Variants in KIF2C observed in about 807,000 individuals in gnomAD.
KIF2C encodes the protein kinesin family member 2C.
A neutral mutation model predicts 97.4 loss-of-function variants in KIF2C; 34 were observed. That is an observed-to-expected ratio of 0.35 (90% CI 0.27 to 0.46). KIF2C has a LOEUF of 0.46. Among genes scored for constraint, KIF2C ranks in the 20% least tolerant of loss-of-function variants. The pLI is 1.00. For missense variants in KIF2C, 750 were observed against 907.6 expected, an observed-to-expected ratio of 0.83 and a Z score of 2.23; for synonymous variants, 313 against 318.2, an observed-to-expected ratio of 0.98 and a Z score of 0.17.
intron 5 of KIF2C, 89 bp downstream of exon 5, chr1:44,750,653 C>CA: frequency 7.6e-7 from 1 of 1,320,228 alleles, no homozygotes; most frequent in African/African-American, 1.5e-5. Flanking sequence ...GAGATTCATC[C>CA]ATTCCCCCAG....
At chr1:44,746,461 G>T (rs565366852) in intron 2 of KIF2C, 1 of 1,215,254 alleles carries the variant, frequency 8.2e-7, no homozygotes, top group South Asian at 3.2e-5. Context: ...GTAGTCTTAG[G>T]GTTAGGTAGC....
At position 44,740,898 on chromosome 1, in the gene KIF2C, T is replaced by C. The variant is rs1167068208; in HGVS notation, c.71-15T>C. ...GGAAAGAGATGGGTAACTCTGGTTT[T>C]TTCATACTTTATAGGTTTAATTCAC... On this transcript the variant is annotated splice_polypyrimidine_tract_variant and intron_variant, in intron 1 of 20. Coordinates refer to ENST00000372224, the MANE Select transcript of KIF2C (RefSeq NM_006845.4). 6.3e-7 allele frequency: 1 copy of C among 1,596,882 alleles called. No homozygotes were observed. Among genetic ancestry groups the C allele is most frequent in the Admixed American group, 1.7e-5 (1 of 59,560 alleles).
chr1:44,746,158 G>A (rs1281862830), intron 2 of KIF2C, among the ~76,000 whole-genome samples: 5 of 152,234 alleles, frequency 3.3e-5, no homozygotes, highest in African/African-American at 4.8e-5. Context: ...GGTTACAGGC[G>A]TGAGCCACCG....
At chr1:44,754,888 G>A in intron 8 of KIF2C, 43 bp downstream of exon 8, 1 of 1,218,926 alleles carries the variant, frequency 8.2e-7, no homozygotes, top group Admixed American at 1.8e-5. Flanking sequence ...GTGTACAATT[G>A]AGAGACAGAA....
intron 19 of KIF2C, among the ~76,000 whole-genome samples, chr1:44,766,612 AAAAGAAAC>A (rs1573582565): frequency 6.6e-6 from 1 of 152,114 alleles, no homozygotes; most frequent in East Asian, 1.9e-4. Context: ...ACTGTCTCAA[AAAAGAAAC>A]AAAGAAAACG....
At chr1:44,754,901 C>T in intron 8 of KIF2C, 56 bp downstream of exon 8, 2 of 1,064,858 alleles carry the variant, frequency 1.9e-6, no homozygotes, top group East Asian at 2.4e-5. Context: ...AGACAGAAAA[C>T]TTCTCTTTAC....
chr1:44,758,242 G>A (rs539415403), intron 13 of KIF2C, 102 bp downstream of exon 13: 163 of 966,320 alleles, frequency 1.7e-4, no homozygotes, highest in South Asian at 2.8e-4. Context: ...TAGCTGATTA[G>A]CTGTCAAGCC....
chr1:44,757,647 G>GT lies in KIF2C; in HGVS notation c.1068+2dup. The GT allele has an allele frequency of 6.2e-7, 1 of 1,605,444 alleles. No individual in the cohort carries two copies. The highest frequency in any genetic ancestry group is 8.5e-7 in the Non-Finnish European group (1 of 1,172,104). On this transcript the variant is annotated splice_donor_variant, in intron 11 of 20. Coordinates refer to ENST00000372224, the MANE Select transcript of KIF2C (RefSeq NM_006845.4). LOFTEE classifies it high-confidence loss of function. The stretch of plus-strand genomic sequence containing the variant: ...CCAGACAGGAAGTGGCAAGACACAT[G>GT]TGAGTATTGAGGCCTGGCGGGGAAA...
chr1:44,760,760 G>A lies in KIF2C; in HGVS notation c.1683+58G>A. The stretch of plus-strand genomic sequence containing the variant: ...GGAGGAGACAGAGTTGCTTTCCACA[G>A]AGACACTTAGTCCTGTCCCTGGGCT... On this transcript the variant is annotated intron_variant, in intron 16 of 20. Coordinates refer to ENST00000372224, the MANE Select transcript of KIF2C (RefSeq NM_006845.4). The surrounding 1 kb of genome is among the most constrained non-coding windows in gnomAD (Gnocchi z 4.2). 7.3e-7 allele frequency: 1 copy of A among 1,378,274 alleles called. No homozygotes were observed. The highest frequency in any genetic ancestry group is 1.0e-6 in the Non-Finnish European group (1 of 971,684). 85.4% of individuals were successfully genotyped at this position (1,378,274 alleles called of 1,614,324 possible).
chr1:44,764,279 G>A (rs1297408201), intron 19 of KIF2C, among the ~76,000 whole-genome samples: 1 of 151,714 alleles, frequency 6.6e-6, no homozygotes, highest in Non-Finnish European at 1.5e-5. Flanking sequence ...GGGTTCAAGC[G>A]ATTCTCCTTC....
chr1:44,760,449 G>A lies in KIF2C; in HGVS notation c.1537G>A (p.Gly513Ser). ...SSADRQTRME[G>S]AEINKSLLAL... Reference sequence around the variant, plus strand: ...TGCTGACCGGCAGACCCGCATGGAGGGCGCAGAAATCAACAAGAGTCTCTT... The same window carrying A: ...TGCTGACCGGCAGACCCGCATGGAGAGCGCAGAAATCAACAAGAGTCTCTT... The change falls in exon 15 of 21, where the codon GGC becomes AGC. Residue 513 changes from glycine (G) to serine (S), a missense_variant. Gly to Ser is a moderately conservative substitution (Grantham distance 56, BLOSUM62 0). Transcript: ENST00000372224. The surrounding 1 kb of genome is among the most constrained non-coding windows in gnomAD (Gnocchi z 4.2). The A allele has an allele frequency of 6.2e-7, 1 of 1,614,208 alleles. No individual in the cohort carries two copies. Among genetic ancestry groups the A allele is most frequent in the South Asian group, 1.1e-5 (1 of 91,084 alleles).
In KIF2C at chr1:44,758,123, G is replaced by A. The variant is rs147079820; in HGVS notation, c.1207G>A (p.Glu403Lys). 3.1e-6 allele frequency: 5 copies of A among 1,614,028 alleles called. No individual in the cohort carries two copies. Among genetic ancestry groups the A allele is most frequent in the Non-Finnish European group, 4.2e-6 (5 of 1,179,970 alleles). Reference protein sequence around the residue: ...LGLEVYVTFFEIYNGKLFDLL... With the variant: ...LGLEVYVTFFKIYNGKLFDLL... ...CCTGGAAGTCTATGTGACATTCTTC[G>A]AGATCTACAATGGGAAGGTAGCTGG... is the stretch of plus-strand genomic sequence containing the variant. The change falls in exon 13 of 21, where the codon GAG becomes AAG. Residue 403 changes from glutamate to lysine, a missense_variant. Coordinates refer to ENST00000372224, the MANE Select transcript of KIF2C (RefSeq NM_006845.4).
intron 19 of KIF2C, among the ~76,000 whole-genome samples, chr1:44,763,179 T>TATA (rs34319168): frequency 0.18 from 27,466 of 152,006 alleles, 2,570 homozygotes; most frequent in East Asian, 0.27. Context: ...GTAATATGCT[T>TATA]ATAAAGTGTC....
At chr1:44,762,496 T>C (rs753079856) in intron 18 of KIF2C, 45 bp downstream of exon 18, 3 of 1,609,432 alleles carry the variant, frequency 1.9e-6, no homozygotes, top group Non-Finnish European at 2.6e-6. Context: ...TGTGGCCTGC[T>C]GAGGCGGCAC....
At chr1:44,743,006 A>C (rs972231106) in intron 2 of KIF2C, among the ~76,000 whole-genome samples, 3 of 152,230 alleles carry the variant, frequency 2.0e-5, no homozygotes, top group Non-Finnish European at 2.9e-5. Flanking sequence ...TAGCTGAAGC[A>C]GCAAGATGGC....
chr1:44,755,719 G>A (rs1649793243), intron 8 of KIF2C, among the ~76,000 whole-genome samples: 1 of 152,204 alleles, frequency 6.6e-6, no homozygotes, highest in African/African-American at 2.4e-5. Context: ...AACTCTTGTA[G>A]GCAGCAGAGT....
At chr1:44,761,886 A>G in intron 16 of KIF2C, 30 bp from the exon 17 acceptor site, 1 of 1,610,894 alleles carries the variant, frequency 6.2e-7, no homozygotes, top group South Asian at 1.1e-5. Flanking sequence ...CGTGCCTCTC[A>G]GCCTTTAATC....
intron 7 of KIF2C, 58 bp downstream of exon 7, chr1:44,753,891 T>C (rs1251492042): frequency 3.3e-6 from 3 of 921,762 alleles, no homozygotes; most frequent in Non-Finnish European, 4.9e-6. Flanking sequence ...TAACCGAAAC[T>C]CTACGGGCAA....
At chr1:44,750,079 C>CAAAA (rs67811341) in intron 4 of KIF2C, among the ~76,000 whole-genome samples, 3 of 68,302 alleles carry the variant, frequency 4.4e-5, no homozygotes, top group Admixed American at 1.6e-4. Flanking sequence ...CGAAACTCCT[C>CAAAA]AAAAAAAAAA....
Sources: allele counts gnomAD v4.1 joint callset (sites outside exome capture counted in the v4.1 genomes callset), GRCh38; gene constraint gnomAD v4.1.1; non-coding constraint Gnocchi (gnomAD v3.1); transcripts MANE v1.5; gene names NCBI Gene and HGNC (gene_info 2026-07-23, HGNC 2026-07-21).